Variants in DMTF1 observed in about 807,000 individuals in gnomAD.
DMTF1 encodes cyclin-D-binding Myb-like transcription factor 1.
Under a neutral mutation model 91.1 loss-of-function variants are expected in DMTF1, and 39 were observed. The ratio of observed to expected loss-of-function variants is 0.43; its 90% CI spans 0.33 to 0.56. The LOEUF is 0.56. Ranked by LOEUF, DMTF1 falls within the 20% of genes least tolerant of loss-of-function variation. The pLI, the probability that DMTF1 is intolerant of heterozygous loss-of-function variation, is 0.05. For synonymous variants in DMTF1, 338 were observed against 309.5 expected (o/e 1.09, Z -0.97); for missense variants, 750 against 914.5 (o/e 0.82, Z 2.32).
intron 5 of DMTF1, 50 bp from the exon 6 acceptor site, chr7:87,173,485 A>T: frequency 2.4e-6 from 3 of 1,248,376 alleles, no homozygotes; most frequent in Non-Finnish European, 3.4e-6. Flanking sequence ...TCAAGCTGCC[A>T]TTTTTTTGTT....
chr7:87,173,620 A>G lies in DMTF1; in HGVS notation c.413A>G (p.Lys138Arg), dbSNP rs1795596282. ...SAVSQAWFTT[K>R]EDKDSLTNKG... Reference sequence around the variant, plus strand: ...GTTAGCCAAGCATGGTTTACAACTAAAGAAGATAAGGATTCTCTGACTAAT... The same window carrying G: ...GTTAGCCAAGCATGGTTTACAACTAGAGAAGATAAGGATTCTCTGACTAAT... Residue 138 changes from lysine (K) to arginine (R), a missense_variant, in exon 6 of 18, where the codon AAA becomes AGA. This residue lies in a region of DMTF1 where 190 missense variants were observed against 343.8 expected (regional missense o/e 0.55). Coordinates refer to ENST00000331242, the MANE Select transcript of DMTF1 (RefSeq NM_001142327.2). The G allele has an allele frequency of 1.2e-6, 2 of 1,610,516 alleles. No individual in the cohort carries two copies. The highest frequency in any genetic ancestry group is 1.7e-6 in the Non-Finnish European group (2 of 1,177,938).
intron 1 of DMTF1, among the ~76,000 whole-genome samples, chr7:87,155,715 G>C (rs1790501270): frequency 6.6e-6 from 1 of 152,092 alleles, no homozygotes; most frequent in Non-Finnish European, 1.5e-5. Context: ...ATAAAAGGAG[G>C]AACGTGGTTG....
rs141905252 is a variant in DMTF1, at chr7:87,162,130, G to A, written c.-131-1365G>A. On this transcript the variant is annotated intron_variant, in intron 1 of 17. Transcript: ENST00000331242. ...TTTGCTTTTCTATTTTTTGAGACAG[G>A]TTCTCGCTCTCACCCAGACTGCGGC... Among the ~76,000 whole-genome samples the A allele has an allele frequency of 5.8e-4, 88 of 152,206 alleles. 1 individual carries two copies. The highest frequency in any genetic ancestry group is 2.0e-3 in the African/African-American group (82 of 41,516).
intron 17 of DMTF1, 99 bp from the exon 18 acceptor site, chr7:87,194,932 G>C: frequency 7.0e-7 from 1 of 1,419,982 alleles, no homozygotes; most frequent in Non-Finnish European, 9.7e-7. Flanking sequence ...TAAGCTACTA[G>C]TCCTGTTGAG....
intron 5 of DMTF1, among the ~76,000 whole-genome samples, 181 bp downstream of exon 5, chr7:87,171,270 AGAGTT>A (rs1795016871): frequency 6.6e-6 from 1 of 151,698 alleles, no homozygotes; most frequent in Admixed American, 6.6e-5. Context: ...TTACTGCCAA[AGAGTT>A]GAGTTATAAT....
chr7:87,180,270 A>G (rs561830236), intron 8 of DMTF1, among the ~76,000 whole-genome samples: 27 of 152,322 alleles, frequency 1.8e-4, no homozygotes, highest in African/African-American at 6.5e-4. Context: ...CTGCCGAGCT[A>G]ATGTTGGAGC....
chr7:87,195,234 T>A lies in DMTF1; in HGVS notation c.*94T>A, dbSNP rs1801013045. The A allele has an allele frequency of 6.0e-6, 5 of 835,534 alleles. No homozygotes were observed. Among genetic ancestry groups the A allele is most frequent in the Non-Finnish European group, 9.5e-6 (5 of 523,676 alleles). The allele number at this position is 835,534 out of a possible 1,614,324, so 51.8% of individuals were successfully genotyped here. Reference sequence around the variant, plus strand: ...TAGGAGCAACCCCCAAGAGGCTTAATTTACCAATTTAAATAGCCACAGTCC... The same window carrying A: ...TAGGAGCAACCCCCAAGAGGCTTAAATTACCAATTTAAATAGCCACAGTCC... On this transcript the variant is annotated 3_prime_UTR_variant, in exon 18 of 18. Transcript: ENST00000331242.
At chr7:87,153,271 A>G (rs1175153600) in intron 1 of DMTF1, among the ~76,000 whole-genome samples, 1 of 152,198 alleles carries the variant, frequency 6.6e-6, no homozygotes, top group Non-Finnish European at 1.5e-5. Flanking sequence ...GCGCGGGGAC[A>G]GTCCTGGTGG....
chr7:87,169,206 C>T (rs894060358), intron 4 of DMTF1, among the ~76,000 whole-genome samples: 1 of 152,206 alleles, frequency 6.6e-6, no homozygotes, highest in African/African-American at 2.4e-5. Context: ...TGCCTATAAT[C>T]CCAGCACTTT....
intron 10 of DMTF1, among the ~76,000 whole-genome samples, chr7:87,183,691 G>T (rs1025069257): frequency 3.9e-5 from 6 of 152,142 alleles, no homozygotes; most frequent in African/African-American, 1.2e-4. Context: ...GGAAACAGAG[G>T]TAAAGAAGAT....
chr7:87,185,691 C>T (rs1447523127), intron 11 of DMTF1, 138 bp from the exon 12 acceptor site: 4 of 945,200 alleles, frequency 4.2e-6, no homozygotes, highest in East Asian at 2.6e-5. Flanking sequence ...AATCCTTTCC[C>T]GTGTAACTTA....
intron 13 of DMTF1, among the ~76,000 whole-genome samples, chr7:87,189,476 G>A (rs979031546): frequency 6.6e-6 from 1 of 152,060 alleles, no homozygotes; most frequent in African/African-American, 2.4e-5. Flanking sequence ...GGGCATGTTA[G>A]TTTTTCTTGG....
At chr7:87,178,803 T>G (rs1398904035) in intron 7 of DMTF1, among the ~76,000 whole-genome samples, 4 of 151,710 alleles carry the variant, frequency 2.6e-5, no homozygotes, top group Non-Finnish European at 5.9e-5. Context: ...TTTGATAGTT[T>G]AAGAACAGGA....
At chr7:87,161,060 T>C (rs1792230965) in intron 1 of DMTF1, among the ~76,000 whole-genome samples, 1 of 152,030 alleles carries the variant, frequency 6.6e-6, no homozygotes, top group African/African-American at 2.4e-5. Context: ...AATACTAATA[T>C]TAATAAAAAT....
chr7:87,173,484 C>G (rs1404923236), intron 5 of DMTF1, 51 bp from the exon 6 acceptor site: 3 of 1,187,340 alleles, frequency 2.5e-6, no homozygotes. Flanking sequence ...ATCAAGCTGC[C>G]ATTTTTTTGT....
intron 10 of DMTF1, 33 bp from the exon 11 acceptor site, chr7:87,184,364 G>A (rs755219485): frequency 1.3e-6 from 2 of 1,584,646 alleles, no homozygotes; most frequent in South Asian, 2.2e-5. Flanking sequence ...AAAGAAGTTA[G>A]CAGTGGTAGT....
In DMTF1 at chr7:87,190,036, A is replaced by T. The variant is rs146111133; in HGVS notation, c.1412-909A>T. On this transcript the variant is annotated intron_variant, in intron 13 of 17. Transcript: ENST00000331242. ...TAATAAACTATAATAAACATTACAC[A>T]GTAAAAGTTCCAAATCATATTTCAC... 2.4e-4 allele frequency among the ~76,000 whole-genome samples: 37 copies of T among 152,240 alleles called. No homozygotes were observed. The East Asian group carries it at 6.8e-3, about 28-fold the overall frequency.
chr7:87,184,803 T>G (rs2129160846), intron 11 of DMTF1, 178 bp downstream of exon 11: 1 of 720,322 alleles, frequency 1.4e-6, no homozygotes, highest in Non-Finnish European at 2.5e-6. Context: ...GTTGTGTTTG[T>G]TCCTTTTTTT....
chr7:87,171,896 A>T (rs1795155708), intron 5 of DMTF1, among the ~76,000 whole-genome samples: 1 of 152,148 alleles, frequency 6.6e-6, no homozygotes, highest in East Asian at 1.9e-4. Context: ...ATTGCTTAAG[A>T]ATTATTTGCT....
Sources: gnomAD v4.1 joint callset for allele counts (sites outside exome capture counted in the v4.1 genomes callset) on GRCh38, gnomAD v4.1.1 for gene constraint, gnomAD v4.1.1 regional missense constraint, MANE v1.5 for transcripts, NCBI Gene and HGNC (gene_info 2026-07-23, HGNC 2026-07-21) for gene names.